The following CACNA1A variants were observed in gnomAD, a reference collection of about 807,000 sequenced individuals.
The protein encoded by CACNA1A is voltage-dependent P/Q-type calcium channel subunit alpha-1A.
Under a neutral mutation model 262.4 loss-of-function variants are expected in CACNA1A, and 57 were observed. That is an observed-to-expected ratio of 0.22 (90% CI 0.18 to 0.27). CACNA1A has a LOEUF of 0.27. CACNA1A is among the 10% of genes least tolerant of loss of function. CACNA1A has a pLI of 1.00. For synonymous variants in CACNA1A, 1,431 were observed against 1,419.3 expected, an observed-to-expected ratio of 1.01 and a Z score of -0.18; for missense variants, 2,526 against 3,562.8, an observed-to-expected ratio of 0.71 and a Z score of 7.41.
At chr19:13,365,290 A>G in intron 5 of CACNA1A, 27 bp downstream of exon 5, 1 of 1,585,424 alleles carries the variant, frequency 6.3e-7, no homozygotes, top group Non-Finnish European at 8.6e-7. Flanking sequence ...GAAAACTGGA[A>G]AGATGCATCA....
chr19:13,352,403 C>CA (rs202072454), intron 6 of CACNA1A, among the ~76,000 whole-genome samples: 2,222 of 82,428 alleles, frequency 0.027, 48 homozygotes, highest in African/African-American at 0.064. Flanking sequence ...GACTCCATCT[C>CA]AAAAAAAAAA....
intron 3 of CACNA1A, among the ~76,000 whole-genome samples, chr19:13,446,442 CTT>C (rs547034790): frequency 8.2e-5 from 10 of 122,472 alleles, no homozygotes; most frequent in Non-Finnish European, 3.3e-5. Flanking sequence ...TTTTTTCTTT[CTT>C]TTTTTTTTTT....
intron 38 of CACNA1A, among the ~76,000 whole-genome samples, chr19:13,221,472 A>G (rs2055229137): frequency 6.6e-6 from 1 of 151,008 alleles, no homozygotes; most frequent in African/African-American, 2.4e-5. Context: ...GCCTCAAGTG[A>G]TCCACCTTCC....
At chr19:13,280,924 G>C (rs1445301497) in intron 22 of CACNA1A, among the ~76,000 whole-genome samples, 1 of 121,070 alleles carries the variant, frequency 8.3e-6, no homozygotes, top group African/African-American at 3.2e-5. Flanking sequence ...CTGGGTGACA[G>C]AGCAAGACTC....
At chr19:13,268,892 A>AC (rs2056939938) in intron 24 of CACNA1A, among the ~76,000 whole-genome samples, 5 of 96,034 alleles carry the variant, frequency 5.2e-5, no homozygotes, top group African/African-American at 1.9e-4. Context: ...TATAGATTCT[A>AC]CTTTTTTTTT....
At chr19:13,260,657 A>G (rs1052697555) in intron 26 of CACNA1A, 11 of 151,852 alleles carry the variant, frequency 7.2e-5, no homozygotes, top group African/African-American at 2.7e-4. Flanking sequence ...CTATATGTAT[A>G]TATTTTTGAG....
intron 24 of CACNA1A, among the ~76,000 whole-genome samples, chr19:13,264,764 T>A (rs1007634821): frequency 6.6e-6 from 1 of 152,200 alleles, no homozygotes; most frequent in Non-Finnish European, 1.5e-5. Context: ...AGCTCCTATG[T>A]GCTATTTCGG....
At position 13,496,952 on chromosome 19, in the gene CACNA1A, G is replaced by A. The variant is rs180902984; in HGVS notation, c.293+8980C>T. 9.2e-5 allele frequency among the ~76,000 whole-genome samples: 14 copies of A among 152,254 alleles called. 1 individual carries two copies. The highest frequency in any genetic ancestry group is 6.5e-4 in the Admixed American group (10 of 15,302). On this transcript the variant is annotated intron_variant, in intron 1 of 46. Transcript: ENST00000360228. ...ATTAGAATCACCACTGGGACAGACT[G>A]GGAAACTGAAGCACAGAACACTTAA... is the stretch of plus-strand genomic sequence containing the variant.
intron 3 of CACNA1A, among the ~76,000 whole-genome samples, chr19:13,376,883 GAT>G (rs559123631): frequency 6.4e-4 from 83 of 128,764 alleles, no homozygotes; most frequent in African/African-American, 1.5e-3. Context: ...TATAACACAT[GAT>G]ATATGTTATA....
chr19:13,444,389 G>C (rs563157869), intron 3 of CACNA1A, among the ~76,000 whole-genome samples: 1 of 152,296 alleles, frequency 6.6e-6, no homozygotes, highest in South Asian at 2.1e-4. Context: ...AGGCAACTAA[G>C]AGCAGGTGCA....
rs769128653 is a variant in CACNA1A, at chr19:13,212,125, G to A, written c.6281C>T (p.Pro2094Leu). The A allele has an allele frequency of 1.5e-5, 24 of 1,612,778 alleles. No individual in the cohort carries two copies. The highest frequency in any genetic ancestry group is 2.0e-5 in the Non-Finnish European group (23 of 1,179,172). ...MEGQGRAASMPRLPAENQRRR... is the reference protein window; with the variant it reads ...MEGQGRAASMLRLPAENQRRR... ...CACCTGGTTCTCTGCAGGGAGGCGGGGCATGGAGGCAGCCCGGCCCTGGCC... is the reference window on the plus strand; with the variant it reads ...CACCTGGTTCTCTGCAGGGAGGCGGAGCATGGAGGCAGCCCGGCCCTGGCC... Residue 2094 changes from proline (P) to leucine (L), a missense_variant, in exon 43 of 47, where the codon CCC becomes CTC. By Grantham distance (98) the Pro-to-Leu change is moderately conservative. This residue lies in a region of CACNA1A where 929 missense variants were observed against 868.1 expected (regional missense o/e 1.07). Coordinates refer to ENST00000360228, the MANE Select transcript of CACNA1A (RefSeq NM_001127222.2). This position sits in a 1 kb window ranked among gnomAD's most constrained non-coding sequence, Gnocchi z 5.6.
chr19:13,367,589 G>C (rs1007209898), intron 4 of CACNA1A, among the ~76,000 whole-genome samples: 2 of 147,902 alleles, frequency 1.4e-5, no homozygotes, highest in East Asian at 3.9e-4. Flanking sequence ...TTAGCTGGGC[G>C]TGGTGGCGGG....
chr19:13,229,367 T>C (rs1332484826), intron 36 of CACNA1A, among the ~76,000 whole-genome samples: 1 of 152,144 alleles, frequency 6.6e-6, no homozygotes, highest in Non-Finnish European at 1.5e-5. Flanking sequence ...AATCCTCAGT[T>C]AGTGGCTGGT....
rs764043201 is a variant in CACNA1A at position 13,275,841 on chromosome 19, G to A, written c.3989+9C>T. 2 of 1,586,042 alleles carry A rather than the reference G, an allele frequency of 1.3e-6. No homozygotes were observed. The highest frequency in any genetic ancestry group is 1.7e-6 in the Non-Finnish European group (2 of 1,154,532). ...AAGAGGCAAGAGGAACCCTTGCGAG[G>A]AGACTTACGTGAAGGCAAAGGCTAC... On this transcript the variant is annotated intron_variant, in intron 24 of 46. Coordinates refer to ENST00000360228, the MANE Select transcript of CACNA1A (RefSeq NM_001127222.2).
At position 13,207,833 on chromosome 19, in the gene CACNA1A, G is replaced by A; in HGVS notation, c.7001C>T (p.Ala2334Val). ...TGGGTACCTCCGAGGGCCGCTGGTG[G>A]CCGCCCGGCCCGGCCTGGCCACCGC... is the stretch of plus-strand genomic sequence containing the variant. ...QQAVARPGRA[A>V]TSGPRRYPGP... Residue 2334 changes from alanine (A) to valine (V), a missense_variant, in exon 47 of 47, where the codon GCC becomes GTC. Around this residue, in one of 17 missense-constraint regions of CACNA1A, gnomAD observed 929 missense variants for 868.1 expected, o/e 1.07. Coordinates refer to ENST00000360228, the MANE Select transcript of CACNA1A (RefSeq NM_001127222.2). The surrounding 1 kb of genome is among the most constrained non-coding windows in gnomAD (Gnocchi z 5.7). The A allele has an allele frequency of 6.8e-7, 1 of 1,465,252 alleles. No individual in the cohort carries two copies. Among genetic ancestry groups the A allele is most frequent in the Non-Finnish European group, 9.0e-7 (1 of 1,115,270 alleles). The allele number at this position is 1,465,252 out of a possible 1,614,324, so 90.8% of individuals were successfully genotyped here. A position where few individuals can be genotyped will look rare whatever the true frequency, so the allele number is the denominator to read the frequency against.
At chr19:13,300,456 T>C in intron 18 of CACNA1A, 94 bp downstream of exon 18, 1 of 850,414 alleles carries the variant, frequency 1.2e-6, no homozygotes, top group Non-Finnish European at 2.0e-6. Context: ...CTCAGTTCTG[T>C]CAAGGACCAC....
chr19:13,225,509 T>C (rs1001961269), intron 37 of CACNA1A: 30 of 152,082 alleles, frequency 2.0e-4, no homozygotes, highest in African/African-American at 7.2e-4. Flanking sequence ...GAAGAAAAGA[T>C]TCCCCATGTC....
intron 3 of CACNA1A, among the ~76,000 whole-genome samples, chr19:13,439,396 C>G (rs2144870174): frequency 7.0e-6 from 1 of 141,970 alleles, no homozygotes; most frequent in Non-Finnish European, 1.5e-5. Flanking sequence ...GTTCTGGGTT[C>G]TTCTTTTTTC....
At chr19:13,210,576 G>A (rs767026490) in intron 44 of CACNA1A, 41 bp downstream of exon 44, 65 of 1,541,002 alleles carry the variant, frequency 4.2e-5, no homozygotes, top group Non-Finnish European at 5.4e-5. Flanking sequence ...AGGAAGAGGG[G>A]GCCGGAGCCC....
Sources: gnomAD v4.1 joint callset for allele counts (sites outside exome capture counted in the v4.1 genomes callset) on GRCh38, gnomAD v4.1.1 for gene constraint, gnomAD v4.1.1 regional missense constraint, Gnocchi (gnomAD v3.1) non-coding constraint, MANE v1.5 for transcripts, NCBI Gene and HGNC (gene_info 2026-07-23, HGNC 2026-07-21) for gene names.